MED16: variants seen among roughly 807,000 people sequenced by gnomAD.
The protein encoded by MED16 is mediator of RNA polymerase II transcription subunit 16.
A neutral mutation model predicts 84.4 loss-of-function variants in MED16; 81 were observed. That is an observed-to-expected ratio of 0.96 (90% CI 0.80 to 1.15). The LOEUF is 1.15. MED16 is among the 50% of genes most tolerant of loss of function. The probability of loss-of-function intolerance (pLI) is 0.00; values close to 1 mark genes in which losing one functional copy is unlikely to be tolerated. For missense variants in MED16, 1,585 were observed against 1,245.9 expected (o/e 1.27, Z -4.10); for synonymous variants, 897 against 552.2 (o/e 1.62, Z -8.76).
At chr19:881,347 T>C (rs2036419315) in intron 7 of MED16, among the ~76,000 whole-genome samples, 1 of 152,194 alleles carries the variant, frequency 6.6e-6, no homozygotes, top group African/African-American at 2.4e-5. Context: ...ACTGGATCTG[T>C]CTGCCAGCCT....
intron 14 of MED16, 125 bp from the exon 15 acceptor site, chr19:868,624 C>G: frequency 1.5e-6 from 2 of 1,306,656 alleles, no homozygotes; most frequent in South Asian, 1.3e-5. Flanking sequence ...CCCCACGTCC[C>G]CACCTGCCAC....
At chr19:878,980 C>T (rs2036341640) in intron 8 of MED16, among the ~76,000 whole-genome samples, 1 of 150,576 alleles carries the variant, frequency 6.6e-6, no homozygotes. Context: ...AGCTCACCTT[C>T]CCCTGGCTAT....
rs758193267 is a variant in MED16, at chr19:890,261, T to C, written c.170-17A>G. 2 of 1,501,522 alleles carry C rather than the reference T, an allele frequency of 1.3e-6. No homozygotes were observed. Among genetic ancestry groups the C allele is most frequent in the Admixed American group, 2.2e-5 (1 of 45,170 alleles). The allele number at this position is 1,501,522 out of a possible 1,614,324, so 93.0% of individuals were successfully genotyped here. On this transcript the variant is annotated splice_polypyrimidine_tract_variant and intron_variant, in intron 2 of 15. Coordinates refer to ENST00000325464, the MANE Select transcript of MED16 (RefSeq NM_005481.3). ...GGGTCAGGTCTGTGGGGACGGGGCA[T>C]GGTCAGCACGGCCTGGCACCACAGC...
chr19:889,836 C>A lies in MED16; in HGVS notation c.278-29G>T, dbSNP rs199616233. On this transcript the variant is annotated intron_variant, in intron 3 of 15. Coordinates refer to ENST00000325464, the MANE Select transcript of MED16 (RefSeq NM_005481.3). ...AGGGCAAGAAGCCATCATTGCGAACCTTCCAGGGATGGGCAGAGCACTGCG... is the reference window on the plus strand; with the variant it reads ...AGGGCAAGAAGCCATCATTGCGAACATTCCAGGGATGGGCAGAGCACTGCG... 634 of 1,592,480 alleles carry A rather than the reference C, an allele frequency of 4.0e-4. 1 individual carries two copies. In the African/African-American group the frequency reaches 7.6e-3, roughly 19 times the overall value.
At chr19:871,580 G>C (rs375751633) in intron 12 of MED16, 56 of 1,595,168 alleles carry the variant, frequency 3.5e-5, no homozygotes, top group Non-Finnish European at 4.6e-5. Context: ...CACACAACCC[G>C]ACAAGGAGAG....
chr19:888,421 A>T (rs1300488014), intron 4 of MED16, among the ~76,000 whole-genome samples: 1 of 143,212 alleles, frequency 7.0e-6, no homozygotes. Context: ...CTACTCAGGA[A>T]GCTGAGGCAG....
chr19:890,493 G>C (rs1455918944), intron 2 of MED16: 3 of 441,752 alleles, frequency 6.8e-6, no homozygotes, highest in Non-Finnish European at 1.2e-5. Flanking sequence ...TGAACAGTGG[G>C]AGCCTCTCCA....
intron 2 of MED16, 71 bp downstream of exon 2, chr19:890,892 G>A (rs981925509): frequency 6.6e-6 from 10 of 1,523,160 alleles, no homozygotes; most frequent in Admixed American, 2.0e-5. Flanking sequence ...CAAGGCAGTG[G>A]GCCGGGCACC....
intron 6 of MED16, among the ~76,000 whole-genome samples, chr19:884,216 A>G (rs112174955): frequency 3.3e-5 from 5 of 152,146 alleles, no homozygotes; most frequent in Non-Finnish European, 5.9e-5. Flanking sequence ...CCAGCCTAAA[A>G]ACCAGGCCCG....
chr19:886,551 G>C (rs1238119739), intron 4 of MED16, among the ~76,000 whole-genome samples: 1 of 152,214 alleles, frequency 6.6e-6, no homozygotes, highest in African/African-American at 2.4e-5. Flanking sequence ...CTTGGCTCTG[G>C]CTCTGCCGTG....
intron 8 of MED16, among the ~76,000 whole-genome samples, chr19:879,563 T>C (rs1169588759): frequency 9.4e-6 from 1 of 106,218 alleles, no homozygotes; most frequent in African/African-American, 3.9e-5. Flanking sequence ...CAGCTCGCCT[T>C]CCCCTGGTTG....
chr19:871,320 G>C (rs1599315960), intron 12 of MED16, 67 bp from the exon 13 acceptor site: 1 of 1,455,200 alleles, frequency 6.9e-7, no homozygotes, highest in Non-Finnish European at 9.2e-7. Flanking sequence ...CCCGGGACGT[G>C]CTGGGAGCCC....
At chr19:875,582 C>G (rs2036212107) in intron 9 of MED16, 128 bp from the exon 10 acceptor site, 2 of 704,840 alleles carry the variant, frequency 2.8e-6, no homozygotes, top group African/African-American at 1.8e-5. Flanking sequence ...TGCTTCGCCT[C>G]TGCACCTCAG....
chr19:872,816 G>T, intron 11 of MED16: 1 of 313,538 alleles, frequency 3.2e-6, no homozygotes, highest in East Asian at 1.6e-4. Context: ...AAGGCGAACC[G>T]GCCTTCGTGT....
rs907824174 is a variant in MED16 at position 876,136 on chromosome 19, AT to A, written c.1561-683del. 9.3e-4 allele frequency among the ~76,000 whole-genome samples: 140 copies of A among 149,836 alleles called. 1 individual carries two copies. The highest frequency in any genetic ancestry group is 2.9e-3 in the African/African-American group (118 of 40,782). On this transcript the variant is annotated intron_variant, in intron 9 of 15. Coordinates refer to ENST00000325464, the MANE Select transcript of MED16 (RefSeq NM_005481.3). ...CTCGGCAGGCTGTGCCGTGAATGGGATTTTTTTTTTCCCATTTTATCTTCGT... is the reference window on the plus strand; with the variant it reads ...CTCGGCAGGCTGTGCCGTGAATGGGATTTTTTTTTCCCATTTTATCTTCGT...
At chr19:881,892 G>C (rs1044491603) in intron 6 of MED16, among the ~76,000 whole-genome samples, 178 bp from the exon 7 acceptor site, 3 of 152,180 alleles carry the variant, frequency 2.0e-5, no homozygotes, top group Admixed American at 6.5e-5. Flanking sequence ...TCGTGCCTCG[G>C]CCACTCATTG....
In MED16 at chr19:886,063, TGGGCTTCAGCA is replaced by T. The variant is rs1189236786; in HGVS notation, c.575_585del (p.Leu192GlnfsTer221). On this transcript the variant is annotated frameshift_variant, in exon 5 of 16. Coordinates refer to ENST00000325464, the MANE Select transcript of MED16 (RefSeq NM_005481.3). LOFTEE classifies it high-confidence loss of function. Reference sequence around the variant, plus strand: ...TCGGTGGACGTCAGCACCTGCCCGCTGGGCTTCAGCAGGGACACGGTGACCAGGCCGCTGAC... The same window carrying T: ...TCGGTGGACGTCAGCACCTGCCCGCTGGGACACGGTGACCAGGCCGCTGAC... 1 of 1,590,830 alleles carries T rather than the reference TGGGCTTCAGCA, an allele frequency of 6.3e-7. No individual in the cohort carries two copies. Among genetic ancestry groups the T allele is most frequent in the Non-Finnish European group, 8.5e-7 (1 of 1,173,356 alleles).
intron 12 of MED16, chr19:871,580 G>A (rs375751633): frequency 2.4e-5 from 38 of 1,595,288 alleles, no homozygotes; most frequent in African/African-American, 4.0e-5. Context: ...CACACAACCC[G>A]ACAAGGAGAG....
At position 887,116 on chromosome 19, in the gene MED16, A is replaced by G. The variant is rs184895820; in HGVS notation, c.448-915T>C. 1.2e-4 allele frequency among the ~76,000 whole-genome samples: 18 copies of G among 152,192 alleles called. No individual in the cohort carries two copies. In the East Asian group the frequency reaches 3.5e-3, roughly 29 times the overall value. Reference sequence around the variant, plus strand: ...AAAAAAGAACAAGAAAAATGTCTCTACGTTGTGAAAAAATGCGAGGAAGAG... The same window carrying G: ...AAAAAAGAACAAGAAAAATGTCTCTGCGTTGTGAAAAAATGCGAGGAAGAG... On this transcript the variant is annotated intron_variant, in intron 4 of 15. Transcript: ENST00000325464.
Sources: gnomAD v4.1 joint callset for allele counts (sites outside exome capture counted in the v4.1 genomes callset) on GRCh38, gnomAD v4.1.1 for gene constraint, MANE v1.5 for transcripts, NCBI Gene and HGNC (gene_info 2026-07-23, HGNC 2026-07-21) for gene names.